MAF: variants seen among roughly 807,000 people sequenced by gnomAD.
The protein encoded by MAF is MAF bZIP transcription factor.
Under a neutral mutation model 22.0 loss-of-function variants are expected in MAF, and 10 were observed. The ratio of observed to expected loss-of-function variants is 0.45; its 90% confidence interval spans 0.28 to 0.77. MAF has a LOEUF of 0.77. Ranked by LOEUF, MAF falls within the 30% of genes least tolerant of loss-of-function variation. The pLI, the probability that MAF is intolerant of heterozygous loss-of-function variation, is 0.12. For synonymous variants in MAF, 337 were observed against 255.8 expected (o/e 1.32, Z -3.03); for missense variants, 544 against 548.4 (o/e 0.99, Z 0.08).
chr16:79,431,901 T>TCG, the MAF span, among the ~76,000 whole-genome samples: 1 of 152,178 alleles, frequency 6.6e-6, no homozygotes. Context: ...CACCTTTCCC[T>TCG]CATATGCCTA....
At chr16:79,476,343 A>G in the MAF span, among the ~76,000 whole-genome samples, 1 of 152,358 alleles carries the variant, frequency 6.6e-6, no homozygotes, top group South Asian at 2.1e-4. Flanking sequence ...ATATACTGTG[A>G]GATAAATAAA....
At chr16:79,525,896 C>G in the MAF span, among the ~76,000 whole-genome samples, 1 of 152,170 alleles carries the variant, frequency 6.6e-6, no homozygotes, top group Non-Finnish European at 1.5e-5. Context: ...TTACTAACAT[C>G]CCTGCTCTAT....
At chr16:79,320,612 G>C in the MAF span, among the ~76,000 whole-genome samples, 2 of 152,202 alleles carry the variant, frequency 1.3e-5, no homozygotes, top group Non-Finnish European at 1.5e-5. Flanking sequence ...TCTAATCCCA[G>C]CTCCTTCACT....
the MAF span, among the ~76,000 whole-genome samples, chr16:79,238,850 T>A: frequency 1.3e-5 from 2 of 151,966 alleles, no homozygotes; most frequent in Non-Finnish European, 1.5e-5. Context: ...GATTTGAACT[T>A]GACCCCACTC....
At chr16:79,519,429 C>T in the MAF span, among the ~76,000 whole-genome samples, 7 of 152,312 alleles carry the variant, frequency 4.6e-5, no homozygotes, top group South Asian at 6.2e-4. Context: ...TAGAATGCTA[C>T]GGGGAGTCTC....
the MAF span, among the ~76,000 whole-genome samples, chr16:79,475,457 C>A: frequency 1.3e-5 from 2 of 151,928 alleles, no homozygotes; most frequent in African/African-American, 4.8e-5. Flanking sequence ...ATGCACTTCA[C>A]TCTTTCAAAT....
chr16:79,220,532 C>T, the MAF span, among the ~76,000 whole-genome samples: 43 of 152,094 alleles, frequency 2.8e-4, no homozygotes, highest in African/African-American at 8.4e-4. Context: ...CTGTATCTAG[C>T]GAACAGATAG....
the MAF span, among the ~76,000 whole-genome samples, chr16:79,299,706 G>A: frequency 6.6e-6 from 1 of 152,228 alleles, no homozygotes; most frequent in Admixed American, 6.5e-5. Context: ...GAGGCACCTT[G>A]ATCTTGACTA....
the MAF span, among the ~76,000 whole-genome samples, chr16:79,226,982 A>C: frequency 3.9e-5 from 6 of 152,090 alleles, no homozygotes; most frequent in African/African-American, 4.8e-5. Flanking sequence ...GGGGAACCTT[A>C]GGGCTACATG....
At chr16:79,461,469 G>A in the MAF span, among the ~76,000 whole-genome samples, 2 of 152,166 alleles carry the variant, frequency 1.3e-5, no homozygotes, top group African/African-American at 4.8e-5. Flanking sequence ...CAGCAGATGG[G>A]AAAGAAAGAC....
chr16:79,356,989 G>T, the MAF span, among the ~76,000 whole-genome samples: 1 of 152,164 alleles, frequency 6.6e-6, no homozygotes, highest in Non-Finnish European at 1.5e-5. Context: ...GGGGATGGTG[G>T]CTCATGCCTG....
chr16:79,214,247 A>T, the MAF span, among the ~76,000 whole-genome samples: 1 of 152,082 alleles, frequency 6.6e-6, no homozygotes, highest in Non-Finnish European at 1.5e-5. Flanking sequence ...AACTCCATGA[A>T]ATTTGTCTGT....
chr16:79,415,991 A>G, the MAF span, among the ~76,000 whole-genome samples: 151,845 of 152,116 alleles, frequency 1, 75,788 homozygotes, highest in Non-Finnish European at 1. Flanking sequence ...CTTGGGTGAG[A>G]CCTTCCCTAC....
chr16:79,310,262 G>A, the MAF span, among the ~76,000 whole-genome samples: 5 of 152,280 alleles, frequency 3.3e-5, no homozygotes, highest in African/African-American at 9.6e-5. Context: ...AATTTTGCAT[G>A]TAGGGAGGGA....
chr16:79,590,036 C>T (rs1054052991), downstream of MAF, among the ~76,000 whole-genome samples: 12 of 152,326 alleles, frequency 7.9e-5, no homozygotes, highest in Admixed American at 2.0e-4. Context: ...GCTCCAGTCC[C>T]TGCGCACCTA....
the MAF span, among the ~76,000 whole-genome samples, chr16:79,357,446 A>T: frequency 0.39 from 58,797 of 152,024 alleles, 13,081 homozygotes; most frequent in Non-Finnish European, 0.52. Flanking sequence ...AACAAAACAA[A>T]ACAAAACAGA....
At chr16:79,554,130 A>AC in the MAF span, among the ~76,000 whole-genome samples, 6,872 of 79,778 alleles carry the variant, frequency 0.086, 228 homozygotes, top group Middle Eastern at 0.13. Context: ...AACAAACAAA[A>AC]CCACCAAACC....
downstream of MAF, among the ~76,000 whole-genome samples, chr16:79,585,633 A>G (rs1361357763): frequency 6.6e-6 from 1 of 152,212 alleles, no homozygotes; most frequent in East Asian, 1.9e-4. Context: ...AAATAAACAC[A>G]GAAAAAATAA....
At chr16:79,496,720 T>C in the MAF span, among the ~76,000 whole-genome samples, 5 of 152,334 alleles carry the variant, frequency 3.3e-5, no homozygotes, top group African/African-American at 1.2e-4. Flanking sequence ...CAAGCACATT[T>C]AATAAACAAT....
Sources: gnomAD v4.1 joint callset for allele counts (sites outside exome capture counted in the v4.1 genomes callset) on GRCh38, gnomAD v4.1.1 for gene constraint, MANE v1.5 for transcripts, NCBI Gene and HGNC (gene_info 2026-07-23, HGNC 2026-07-21) for gene names.